The following MYO10 variants were observed in gnomAD, a reference collection of about 807,000 sequenced individuals.
The protein encoded by MYO10 is myosin X.
In MYO10, 133 loss-of-function variants were observed where a neutral mutation model predicts 257.3. The observed-to-expected ratio is 0.52, with a 90% CI of 0.45 to 0.60. The LOEUF (loss-of-function observed/expected upper bound fraction) is 0.60. MYO10 is among the 20% of genes least tolerant of loss of function. The probability of loss-of-function intolerance (pLI) is 0.00; values close to 1 mark genes in which losing one functional copy is unlikely to be tolerated. For synonymous variants in MYO10, 1,104 were observed against 1,028.6 expected (o/e 1.07, Z -1.40); for missense variants, 2,399 against 2,635.7 (o/e 0.91, Z 1.97).
At chr5:16,930,901 C>T (rs1341867959) in intron 1 of MYO10, among the ~76,000 whole-genome samples, 2 of 152,288 alleles carry the variant, frequency 1.3e-5, no homozygotes, top group East Asian at 1.9e-4. Flanking sequence ...CATTCTTGAA[C>T]GTCCCCTACT....
At chr5:16,801,250 C>T (rs1201049323) in intron 3 of MYO10, among the ~76,000 whole-genome samples, 4 of 152,180 alleles carry the variant, frequency 2.6e-5, no homozygotes, top group African/African-American at 7.2e-5. Flanking sequence ...CTCCGTTGCC[C>T]AGGCTGCCGT....
intron 2 of MYO10, among the ~76,000 whole-genome samples, chr5:16,828,801 G>C (rs1743076465): frequency 6.6e-6 from 1 of 151,974 alleles, no homozygotes; most frequent in Non-Finnish European, 1.5e-5. Context: ...CTACAGCCTG[G>C]AACTCCCGGG....
At chr5:16,782,213 G>A (rs1741444352) in intron 5 of MYO10, among the ~76,000 whole-genome samples, 1 of 152,110 alleles carries the variant, frequency 6.6e-6, no homozygotes, top group South Asian at 2.1e-4. Context: ...TATGTCCCGG[G>A]GGCAACTCAT....
At chr5:16,897,736 C>CGTCATGGGCTACAAGATCTAGCGTGATTT (rs1745255937) in intron 1 of MYO10, among the ~76,000 whole-genome samples, 1 of 152,116 alleles carries the variant, frequency 6.6e-6, no homozygotes, top group Admixed American at 6.5e-5. Flanking sequence ...GCGGGTGTGC[C>CGTCATGGGCTACAAGATCTAGCGTGATTT]GTCATGGGCT....
At chr5:16,706,793 A>T (rs1738366580) in intron 21 of MYO10, among the ~76,000 whole-genome samples, 1 of 152,260 alleles carries the variant, frequency 6.6e-6, no homozygotes, top group Admixed American at 6.5e-5. Context: ...TTTAAAAAGC[A>T]TTCTTCCACA....
At chr5:16,781,035 A>G (rs1168112797) in intron 6 of MYO10, among the ~76,000 whole-genome samples, 1 of 152,184 alleles carries the variant, frequency 6.6e-6, no homozygotes, top group Non-Finnish European at 1.5e-5. Context: ...TATGGAAATT[A>G]TATCAGAGAT....
At chr5:16,714,684 G>A (rs1367132556) in intron 19 of MYO10, among the ~76,000 whole-genome samples, 3 of 152,180 alleles carry the variant, frequency 2.0e-5, no homozygotes, top group Admixed American at 1.3e-4. Context: ...TTAGCCGGGC[G>A]TGGTGGCGGG....
chr5:16,724,193 G>A lies in MYO10; in HGVS notation c.1930-12948C>T, dbSNP rs551794275. Among the ~76,000 whole-genome samples, 9 of 152,276 alleles carry A rather than the reference G, an allele frequency of 5.9e-5. No homozygotes were observed. The South Asian group carries it at 1.5e-3, about 25-fold the overall frequency. ...ACTTAAATAACGCTGGAAACATATA[G>A]AGTCTATAAGACTAAAAGCATAAAG... On this transcript the variant is annotated intron_variant, in intron 19 of 40. Coordinates refer to ENST00000513610, the MANE Select transcript of MYO10 (RefSeq NM_012334.3).
intron 27 of MYO10, among the ~76,000 whole-genome samples, chr5:16,690,722 T>C (rs1261813110): frequency 6.6e-6 from 1 of 152,100 alleles, no homozygotes; most frequent in Non-Finnish European, 1.5e-5. Flanking sequence ...GTCTGAATTC[T>C]GCTTGAGATG....
At chr5:16,898,516 G>A (rs548065132) in intron 1 of MYO10, among the ~76,000 whole-genome samples, 127 of 151,204 alleles carry the variant, frequency 8.4e-4, no homozygotes, top group South Asian at 7.5e-3. Context: ...GGGTTCAAGC[G>A]ATTCTCCTGC....
chr5:16,785,881 T>TA (rs1026000866), intron 4 of MYO10, among the ~76,000 whole-genome samples: 7 of 69,086 alleles, frequency 1.0e-4, no homozygotes, highest in Non-Finnish European at 1.7e-4. Context: ...AAAAAATAAT[T>TA]AAAAAAAACA....
chr5:16,675,996 G>T, intron 34 of MYO10, 35 bp downstream of exon 34: 1 of 1,583,410 alleles, frequency 6.3e-7, no homozygotes, highest in Non-Finnish European at 8.6e-7. Flanking sequence ...TGGAATCATG[G>T]TCTCTGAGGA....
chr5:16,852,272 T>A (rs936252208), intron 2 of MYO10, among the ~76,000 whole-genome samples: 3 of 149,560 alleles, frequency 2.0e-5, no homozygotes, highest in African/African-American at 7.4e-5. Context: ...AAACAAAAAG[T>A]ATAGATTCTA....
chr5:16,675,016 G>C lies in MYO10; in HGVS notation c.4801C>G (p.Pro1601Ala), dbSNP rs754514094. The C allele has an allele frequency of 6.2e-7, 1 of 1,613,894 alleles. No individual in the cohort carries two copies. The highest frequency in any genetic ancestry group is 1.3e-5 in the African/African-American group (1 of 74,912). ...TGGCAGTACAGCTCGTCCCGCAGAG[G>C]TCGCAGGTCATGCCCTGTCTGTAGG... ...GILQTGHDLR[P>A]LRDELYCQLI... The change falls in exon 35 of 41, where the codon CCT becomes GCT. Residue 1601 changes from proline to alanine, a missense_variant. Pro to Ala is a conservative substitution (Grantham distance 27). This residue lies in a region of MYO10 where 1,820 missense variants were observed against 1,939.4 expected (regional missense o/e 0.94). Coordinates refer to ENST00000513610, the MANE Select transcript of MYO10 (RefSeq NM_012334.3).
intron 3 of MYO10, among the ~76,000 whole-genome samples, chr5:16,817,450 C>T (rs969775368): frequency 6.6e-6 from 1 of 152,150 alleles, no homozygotes; most frequent in African/African-American, 2.4e-5. Flanking sequence ...AGTCACATTT[C>T]ATAGAAGTTG....
At position 16,668,395 on chromosome 5, in the gene MYO10, C is replaced by G. The variant is rs1259536874; in HGVS notation, c.5957G>C (p.Gly1986Ala). 1 of 1,613,866 alleles carries G rather than the reference C, an allele frequency of 6.2e-7. No homozygotes were observed. The highest frequency in any genetic ancestry group is 2.2e-5 in the East Asian group (1 of 44,888). ...GAAGACTTCCAGTGGTCTTCCCTCT[C>G]CACGCTTGTAGACGGAGACGGCGTC... ...SADAVSVYKRGEGRPLEVFQY... is the reference protein window; with the variant it reads ...SADAVSVYKRAEGRPLEVFQY... The change falls in exon 40 of 41, where the codon GGA (glycine) becomes GCA (alanine). Residue 1986 changes from glycine (G) to alanine (A), a missense_variant. Coordinates refer to ENST00000513610, the MANE Select transcript of MYO10 (RefSeq NM_012334.3).
At chr5:16,740,714 C>A (rs1739988402) in intron 19 of MYO10, among the ~76,000 whole-genome samples, 2 of 152,044 alleles carry the variant, frequency 1.3e-5, no homozygotes, top group Admixed American at 1.3e-4. Flanking sequence ...CGGTTCCGGA[C>A]CTGAGGACCC....
intron 14 of MYO10, among the ~76,000 whole-genome samples, chr5:16,763,073 T>C (rs920377498): frequency 2.6e-5 from 4 of 152,134 alleles, no homozygotes; most frequent in African/African-American, 9.7e-5. Context: ...CATGGTAATT[T>C]CTCGATTGGA....
At chr5:16,698,600 T>C (rs1033563362) in intron 26 of MYO10, among the ~76,000 whole-genome samples, 1 of 149,170 alleles carries the variant, frequency 6.7e-6, no homozygotes, top group African/African-American at 2.5e-5. Flanking sequence ...CTCTCTAATA[T>C]CCCTGGCAGG....
Sources: allele counts gnomAD v4.1 joint callset (sites outside exome capture counted in the v4.1 genomes callset), GRCh38; gene constraint gnomAD v4.1.1; regional missense constraint gnomAD v4.1.1; transcripts MANE v1.5; gene names NCBI Gene and HGNC (gene_info 2026-07-23, HGNC 2026-07-21).